Variants in PTPRD observed in about 807,000 individuals in gnomAD.
The protein encoded by PTPRD is receptor-type tyrosine-protein phosphatase delta.
A neutral mutation model predicts 214.5 loss-of-function variants in PTPRD; 34 were observed. That is an observed-to-expected ratio of 0.16 (90% CI 0.12 to 0.21). The LOEUF is 0.21. Ranked by LOEUF, PTPRD falls within the 10% of genes least tolerant of loss-of-function variation. The probability of loss-of-function intolerance (pLI) is 1.00; values close to 1 mark genes in which losing one functional copy is unlikely to be tolerated. For missense variants in PTPRD, 2,545 were observed against 2,398.7 expected (o/e 1.06, Z -1.27); for synonymous variants, 1,128 against 845.7 (o/e 1.33, Z -5.79).
intron 11 of PTPRD, among the ~76,000 whole-genome samples, chr9:8,856,719 T>C (rs532612842): frequency 1.3e-5 from 2 of 152,244 alleles, no homozygotes; most frequent in South Asian, 2.1e-4. Flanking sequence ...TAAAAGTGGA[T>C]TGTGATAGTC....
chr9:10,524,245 C>T (rs2053528221), intron 2 of PTPRD, among the ~76,000 whole-genome samples: 1 of 152,048 alleles, frequency 6.6e-6, no homozygotes, highest in Admixed American at 6.6e-5. Flanking sequence ...AAACTAGGCA[C>T]TTGGGAGCAT....
intron 30 of PTPRD, among the ~76,000 whole-genome samples, chr9:8,479,821 A>T (rs938418001): frequency 2.6e-5 from 4 of 152,120 alleles, no homozygotes; most frequent in African/African-American, 9.7e-5. Flanking sequence ...TCCTGAAGAG[A>T]CATGCATGTT....
At chr9:8,709,346 C>T (rs2098277552) in intron 12 of PTPRD, among the ~76,000 whole-genome samples, 1 of 151,664 alleles carries the variant, frequency 6.6e-6, no homozygotes, top group Non-Finnish European at 1.5e-5. Flanking sequence ...AACCCTGTCT[C>T]TACTAAAAAA....
intron 7 of PTPRD, among the ~76,000 whole-genome samples, chr9:9,650,607 C>T (rs2096313517): frequency 6.6e-6 from 1 of 152,024 alleles, no homozygotes; most frequent in South Asian, 2.1e-4. Context: ...AGGGGAACAA[C>T]ATATACTAGG....
At position 8,563,129 on chromosome 9, in the gene PTPRD, C is replaced by G. The variant is rs117727100; in HGVS notation, c.353-34350G>C. Among the ~76,000 whole-genome samples, 4 of 151,880 alleles carry G rather than the reference C, an allele frequency of 2.6e-5. No individual in the cohort carries two copies. The East Asian group carries it at 7.8e-4, about 29-fold the overall frequency. ...AATAAGCCTGAGTGTCAGCTTGGCA[C>G]AAGAGTATACACATTGTAGGATCCC... On this transcript the variant is annotated intron_variant, in intron 14 of 45. Coordinates refer to ENST00000381196, the MANE Select transcript of PTPRD (RefSeq NM_002839.4).
chr9:8,500,638 C>A, intron 24 of PTPRD, 116 bp downstream of exon 24: 2 of 572,452 alleles, frequency 3.5e-6, no homozygotes, highest in Non-Finnish European at 4.7e-6. Context: ...ACTAAAGTAA[C>A]AGCAATGCTG....
At chr9:8,985,739 G>A (rs999476310) in intron 11 of PTPRD, among the ~76,000 whole-genome samples, 12 of 151,630 alleles carry the variant, frequency 7.9e-5, no homozygotes, top group Non-Finnish European at 4.4e-5. Flanking sequence ...AGTTATATAT[G>A]CTTTGATTAA....
chr9:8,755,453 T>C (rs1405068777), intron 11 of PTPRD, among the ~76,000 whole-genome samples: 2 of 148,782 alleles, frequency 1.3e-5, no homozygotes, highest in Non-Finnish European at 3.0e-5. Context: ...CACTTGAACC[T>C]GGCAGGCAGA....
chr9:10,475,112 G>T (rs1458459530), intron 2 of PTPRD, among the ~76,000 whole-genome samples: 1 of 152,090 alleles, frequency 6.6e-6, no homozygotes, highest in Non-Finnish European at 1.5e-5. Flanking sequence ...AAAGCTAGCA[G>T]AAGACAAGAA....
Position 8,935,765 on chromosome 9 carries a change from G to C in PTPRD, c.-104+82932C>G, listed in dbSNP as rs73425724. On this transcript the variant is annotated intron_variant, in intron 11 of 45. Coordinates refer to ENST00000381196, the MANE Select transcript of PTPRD (RefSeq NM_002839.4). ...GATATTTTTCAAAAGGCCTTCCAAA[G>C]AACAGGATAGTGATTCTTACTATGA... 1.8e-3 allele frequency among the ~76,000 whole-genome samples: 270 copies of C among 152,284 alleles called. 6 individuals carry two copies. In the East Asian group the frequency reaches 0.024, roughly 14 times the overall value.
intron 3 of PTPRD, among the ~76,000 whole-genome samples, chr9:10,073,097 T>A (rs185237907): frequency 6.6e-6 from 1 of 152,138 alleles, no homozygotes; most frequent in South Asian, 2.1e-4. Flanking sequence ...ATAGAGATAG[T>A]AAAGAAATCA....
At chr9:8,378,124 T>G (rs2083817724) in intron 37 of PTPRD, among the ~76,000 whole-genome samples, 1 of 152,078 alleles carries the variant, frequency 6.6e-6, no homozygotes, top group Admixed American at 6.6e-5. Flanking sequence ...CAAACAAAAA[T>G]TGTCCACAGT....
chr9:9,503,605 C>A (rs557190422), intron 8 of PTPRD, among the ~76,000 whole-genome samples: 1 of 151,836 alleles, frequency 6.6e-6, no homozygotes, highest in Admixed American at 6.6e-5. Context: ...GCATAGGAAT[C>A]AATGGTGGTT....
chr9:9,630,808 T>C (rs528028583), intron 7 of PTPRD, among the ~76,000 whole-genome samples: 1 of 152,270 alleles, frequency 6.6e-6, no homozygotes, highest in South Asian at 2.1e-4. Context: ...TGTAAACTTC[T>C]TTGGGTCAGG....
intron 8 of PTPRD, among the ~76,000 whole-genome samples, chr9:9,526,311 G>C (rs2074107307): frequency 6.6e-6 from 1 of 152,116 alleles, no homozygotes; most frequent in Non-Finnish European, 1.5e-5. Context: ...ACGTACTTGG[G>C]TGGGCATGGA....
chr9:10,297,725 C>G (rs984575668), intron 3 of PTPRD, among the ~76,000 whole-genome samples: 3 of 151,940 alleles, frequency 2.0e-5, no homozygotes, highest in Admixed American at 2.0e-4. Context: ...TGGCTCTGTA[C>G]TAAAAGTAAA....
At chr9:8,930,327 T>C (rs948637384) in intron 11 of PTPRD, among the ~76,000 whole-genome samples, 2 of 152,148 alleles carry the variant, frequency 1.3e-5, no homozygotes, top group South Asian at 2.1e-4. Context: ...TTCCATGGTG[T>C]ATATGTGCCA....
intron 12 of PTPRD, among the ~76,000 whole-genome samples, chr9:8,704,901 C>T (rs989270449): frequency 5.9e-5 from 9 of 151,262 alleles, no homozygotes; most frequent in South Asian, 2.1e-4. Context: ...CTAGCCCGGG[C>T]GATAGAGCAA....
intron 2 of PTPRD, among the ~76,000 whole-genome samples, chr9:10,589,403 G>T (rs959564456): frequency 6.6e-6 from 1 of 151,108 alleles, no homozygotes; most frequent in Non-Finnish European, 1.5e-5. Flanking sequence ...ATTAATCTGG[G>T]TTAAGTTTCA....
Sources: allele counts gnomAD v4.1 joint callset (sites outside exome capture counted in the v4.1 genomes callset), GRCh38; gene constraint gnomAD v4.1.1; transcripts MANE v1.5; gene names NCBI Gene and HGNC (gene_info 2026-07-23, HGNC 2026-07-21).